Variants in GABPA observed in about 807,000 individuals in gnomAD.
GABPA encodes GA-binding protein alpha chain.
In GABPA, 4 loss-of-function variants were observed where a neutral mutation model predicts 59.4. The ratio of observed to expected loss-of-function variants is 0.07; its 90% CI spans 0.03 to 0.15. The LOEUF (loss-of-function observed/expected upper bound fraction) is 0.15. Ranked by LOEUF, GABPA falls within the 10% of genes least tolerant of loss-of-function variation. The pLI is 1.00. For missense variants in GABPA, 251 were observed against 543.8 expected (o/e 0.46, Z 5.36); for synonymous variants, 164 against 183.1 (o/e 0.90, Z 0.84).
intron 9 of GABPA, among the ~76,000 whole-genome samples, chr21:25,766,660 C>T (rs181500293): frequency 1.1e-3 from 166 of 151,980 alleles, no homozygotes; most frequent in African/African-American, 3.8e-3. Flanking sequence ...AACTCACCCC[C>T]TAGAGTGGCT....
intron 3 of GABPA, among the ~76,000 whole-genome samples, chr21:25,746,493 AT>A (rs1265868714): frequency 6.6e-6 from 1 of 152,160 alleles, no homozygotes; most frequent in African/African-American, 2.4e-5. Context: ...TGCTGCTACT[AT>A]TTTTAATAAG....
At chr21:25,747,465 A>C (rs1045456499) in intron 3 of GABPA, among the ~76,000 whole-genome samples, 33 of 152,342 alleles carry the variant, frequency 2.2e-4, no homozygotes, top group African/African-American at 7.9e-4. Flanking sequence ...ATTCAGGGCT[A>C]GCTTTGGATC....
Position 25,770,135 on chromosome 21 carries a change from C to T in GABPA, c.*903C>T, listed in dbSNP as rs986911221. The T allele has an allele frequency of 1.8e-4, 28 of 152,630 alleles. No individual in the cohort carries two copies. The highest frequency in any genetic ancestry group is 3.4e-3 in the Middle Eastern group (1 of 294). 9.5% of individuals were successfully genotyped at this position (152,630 alleles called of 1,614,324 possible). Reference sequence around the variant, plus strand: ...TTTATTATGCAAAGCAGCTTATATTCCTTTGTTTCTGATAAAATGAAGACT... The same window carrying T: ...TTTATTATGCAAAGCAGCTTATATTTCTTTGTTTCTGATAAAATGAAGACT... On this transcript the variant is annotated 3_prime_UTR_variant, in exon 10 of 10. Transcript: ENST00000400075.
chr21:25,749,019 A>G lies in GABPA; in HGVS notation c.223-17A>G. ...TGATTGCACTGAAATAATCTTACTCATTTTATCCATGGTTAGCTGGATCCA... is the reference window on the plus strand; with the variant it reads ...TGATTGCACTGAAATAATCTTACTCGTTTTATCCATGGTTAGCTGGATCCA... On this transcript the variant is annotated splice_polypyrimidine_tract_variant and intron_variant, in intron 3 of 9. Transcript: ENST00000400075. 4 of 1,535,282 alleles carry G rather than the reference A, an allele frequency of 2.6e-6. No individual in the cohort carries two copies. The highest frequency in any genetic ancestry group is 3.6e-6 in the Non-Finnish European group (4 of 1,109,340).
chr21:25,742,445 A>C (rs2035245944), intron 2 of GABPA, among the ~76,000 whole-genome samples: 1 of 152,226 alleles, frequency 6.6e-6, no homozygotes, highest in African/African-American at 2.4e-5. Context: ...AAGGTTAAGG[A>C]GGATACTGAG....
intron 1 of GABPA, among the ~76,000 whole-genome samples, chr21:25,736,242 A>G (rs989394471): frequency 3.3e-5 from 5 of 152,210 alleles, no homozygotes; most frequent in Non-Finnish European, 7.3e-5. Context: ...ACAATGCCTA[A>G]TATTGCATTG....
rs748327059 is a variant in GABPA at position 25,764,280 on chromosome 21, G to C, written c.873G>C (p.Ala291=). 4 of 1,612,356 alleles carry C rather than the reference G, an allele frequency of 2.5e-6. No homozygotes were observed. Among genetic ancestry groups the C allele is most frequent in the Non-Finnish European group, 3.4e-6 (4 of 1,179,072 alleles). ...CCATTAAAGTTATAAATAGTAGTGC[G>C]AAAGCAGCCAAAGTACAAAGAGCGC... ...PTTIKVINSS[A]KAAKVQRAPR... The change falls in exon 8 of 10, where the codon GCG becomes GCC. Residue 291 remains alanine, a synonymous_variant. Coordinates refer to ENST00000400075, the MANE Select transcript of GABPA (RefSeq NM_002040.4).
At chr21:25,758,253 A>T (rs760725634) in intron 6 of GABPA, 49 bp downstream of exon 6, 3 of 1,317,838 alleles carry the variant, frequency 2.3e-6, no homozygotes, top group Non-Finnish European at 3.1e-6. Flanking sequence ...GCTTAATTTT[A>T]TTTCCTTGTA....
chr21:25,771,943 C>T lies in GABPA; in HGVS notation c.*2711C>T, dbSNP rs894001616. The T allele has an allele frequency of 5.3e-5, 8 of 151,934 alleles. No individual in the cohort carries two copies. Among genetic ancestry groups the T allele is most frequent in the African/African-American group, 1.9e-4 (8 of 41,414 alleles). 9.4% of individuals were successfully genotyped at this position (151,934 alleles called of 1,614,324 possible). A position where few individuals can be genotyped will look rare whatever the true frequency, so the allele number is the denominator to read the frequency against. On this transcript the variant is annotated 3_prime_UTR_variant, in exon 10 of 10. Coordinates refer to ENST00000400075, the MANE Select transcript of GABPA (RefSeq NM_002040.4). Reference sequence around the variant, plus strand: ...TGATCACAGTTATTTTTGTATCAGTCTATGTTATTAGGAAAAATTGTTTAG... The same window carrying T: ...TGATCACAGTTATTTTTGTATCAGTTTATGTTATTAGGAAAAATTGTTTAG...
intron 5 of GABPA, among the ~76,000 whole-genome samples, chr21:25,756,972 G>A (rs909751638): frequency 1.3e-5 from 2 of 152,142 alleles, no homozygotes; most frequent in African/African-American, 4.8e-5. Flanking sequence ...TGAGGCTAGG[G>A]CACCTCTGTT....
At chr21:25,766,978 C>T (rs931464169) in intron 9 of GABPA, among the ~76,000 whole-genome samples, 4 of 152,010 alleles carry the variant, frequency 2.6e-5, no homozygotes, top group African/African-American at 9.6e-5. Context: ...GACCAGTGAA[C>T]CTCACAAACA....
At chr21:25,748,580 A>C (rs1407740975) in intron 3 of GABPA, among the ~76,000 whole-genome samples, 1 of 152,214 alleles carries the variant, frequency 6.6e-6, no homozygotes, top group Non-Finnish European at 1.5e-5. Context: ...TTATGATGAG[A>C]GATTTAGAGT....
At chr21:25,761,607 G>T (rs186038784) in intron 6 of GABPA, among the ~76,000 whole-genome samples, 27 of 152,292 alleles carry the variant, frequency 1.8e-4, no homozygotes, top group East Asian at 1.3e-3. Context: ...CATGCAATTT[G>T]TGATGGGCAC....
chr21:25,753,655 A>G (rs541299163), intron 5 of GABPA, among the ~76,000 whole-genome samples: 1 of 152,316 alleles, frequency 6.6e-6, no homozygotes, highest in African/African-American at 2.4e-5. Flanking sequence ...GACAGAAGTA[A>G]CTAGAGTTGG....
chr21:25,768,980 T>A, intron 9 of GABPA, 24 bp from the exon 10 acceptor site: 1 of 1,513,206 alleles, frequency 6.6e-7, no homozygotes, highest in East Asian at 2.3e-5. Context: ...CTGAAGTCTC[T>A]AATTTTTTTT....
intron 1 of GABPA, among the ~76,000 whole-genome samples, chr21:25,736,017 A>G (rs1454480299): frequency 6.6e-6 from 1 of 152,130 alleles, no homozygotes; most frequent in Non-Finnish European, 1.5e-5. Context: ...CTCATTTCAA[A>G]TCCGCTCTCT....
At chr21:25,750,098 G>C (rs1485494641) in intron 4 of GABPA, among the ~76,000 whole-genome samples, 3 of 152,208 alleles carry the variant, frequency 2.0e-5, no homozygotes, top group African/African-American at 7.2e-5. Context: ...GGAGGTGATG[G>C]GAGACAGTGA....
intron 3 of GABPA, among the ~76,000 whole-genome samples, chr21:25,748,666 TATC>T (rs991700958): frequency 9.2e-5 from 14 of 152,352 alleles, no homozygotes; most frequent in South Asian, 4.1e-4. Context: ...TTAGATAAAT[TATC>T]ATGACTAATT....
chr21:25,748,499 T>A (rs534909484), intron 3 of GABPA, among the ~76,000 whole-genome samples: 1 of 152,216 alleles, frequency 6.6e-6, no homozygotes, highest in African/African-American at 2.4e-5. Context: ...TGAAATGATA[T>A]AGAATTAGGA....
Sources: allele counts gnomAD v4.1 joint callset (sites outside exome capture counted in the v4.1 genomes callset), GRCh38; gene constraint gnomAD v4.1.1; transcripts MANE v1.5; gene names NCBI Gene and HGNC (gene_info 2026-07-23, HGNC 2026-07-21).